ERGIC2: variants seen among roughly 807,000 people sequenced by gnomAD.
The protein encoded by ERGIC2 is ERGIC and golgi 2.
Under a neutral mutation model 52.5 loss-of-function variants are expected in ERGIC2, and 31 were observed. That is an observed-to-expected ratio of 0.59 (90% CI 0.44 to 0.80). The LOEUF (loss-of-function observed/expected upper bound fraction) is 0.80, where lower values mean the gene tolerates loss of function less well. Among genes scored for constraint, ERGIC2 ranks in the 30% least tolerant of loss-of-function variants. The pLI, the probability that ERGIC2 is intolerant of heterozygous loss-of-function variation, is 0.00. For missense variants in ERGIC2, 395 were observed against 455.2 expected (o/e 0.87, Z 1.20); for synonymous variants, 129 against 140.6 (o/e 0.92, Z 0.58).
chr12:29,356,332 C>A, intron 8 of ERGIC2, 50 bp downstream of exon 8: 1 of 1,159,732 alleles, frequency 8.6e-7, no homozygotes, highest in Non-Finnish European at 1.3e-6. Flanking sequence ...TTACTTTTAA[C>A]CAAGCTCCAA....
At chr12:29,366,968 G>A in intron 4 of ERGIC2, 21 bp from the exon 5 acceptor site, 1 of 1,511,918 alleles carries the variant, frequency 6.6e-7, no homozygotes, top group South Asian at 1.2e-5. Context: ...AAAAGAATTA[G>A]AAGTTTTACA....
In ERGIC2 at chr12:29,343,305, G is replaced by C. The variant is rs1285920967; in HGVS notation, c.826-23C>G. 4.5e-6 allele frequency: 7 copies of C among 1,551,376 alleles called. 1 individual carries two copies. The highest frequency in any genetic ancestry group is 3.5e-4 in the Middle Eastern group (2 of 5,796). On this transcript the variant is annotated intron_variant, in intron 11 of 13. Transcript: ENST00000360150. ...TTCCTAAAAGGGAGGCAAAAGGAAG[G>C]GGAGAAATAGGAGGAAGAGAGAAAC...
chr12:29,355,549 T>C (rs776519495), intron 8 of ERGIC2, among the ~76,000 whole-genome samples: 1 of 152,152 alleles, frequency 6.6e-6, no homozygotes, highest in Non-Finnish European at 1.5e-5. Flanking sequence ...TTCAAAAATT[T>C]CACAAGTGTT....
intron 8 of ERGIC2, among the ~76,000 whole-genome samples, chr12:29,352,776 C>T (rs1940150335): frequency 6.6e-6 from 1 of 152,170 alleles, no homozygotes; most frequent in Non-Finnish European, 1.5e-5. Flanking sequence ...AGTTTGCCTA[C>T]CACTGCAGTA....
chr12:29,376,310 C>T (rs1423802908), intron 1 of ERGIC2, among the ~76,000 whole-genome samples: 1 of 152,150 alleles, frequency 6.6e-6, no homozygotes, highest in Admixed American at 6.6e-5. Context: ...CACTGATTCT[C>T]ACTTCCGTAC....
chr12:29,351,983 A>G (rs1036471953), intron 8 of ERGIC2, among the ~76,000 whole-genome samples: 1 of 152,226 alleles, frequency 6.6e-6, no homozygotes, highest in African/African-American at 2.4e-5. Context: ...GATGTTCTGC[A>G]GCCAAATTTG....
chr12:29,347,673 T>C (rs769416441), intron 10 of ERGIC2, among the ~76,000 whole-genome samples: 53 of 152,206 alleles, frequency 3.5e-4, no homozygotes, highest in Non-Finnish European at 6.6e-4. Flanking sequence ...CCTGCAATAC[T>C]TCTGGAGAAC....
intron 10 of ERGIC2, among the ~76,000 whole-genome samples, chr12:29,345,770 AC>A (rs1267154470): frequency 2.6e-5 from 4 of 151,874 alleles, no homozygotes; most frequent in Non-Finnish European, 5.9e-5. Context: ...AGAGAGCCAG[AC>A]CCTGTCTCTA....
intron 5 of ERGIC2, among the ~76,000 whole-genome samples, chr12:29,362,902 T>C (rs770992865): frequency 1.3e-5 from 2 of 152,218 alleles, no homozygotes; most frequent in Non-Finnish European, 2.9e-5. Context: ...TGTTGGCAGT[T>C]ACTCTCCAGC....
At chr12:29,341,460 T>C (rs571730899) in intron 13 of ERGIC2, among the ~76,000 whole-genome samples, 1 of 152,000 alleles carries the variant, frequency 6.6e-6, no homozygotes, top group East Asian at 1.9e-4. Flanking sequence ...AACCTCAACT[T>C]CCTGGGCTCA....
chr12:29,348,179 A>G (rs1940084025), intron 10 of ERGIC2, among the ~76,000 whole-genome samples: 1 of 152,192 alleles, frequency 6.6e-6, no homozygotes, highest in Admixed American at 6.5e-5. Flanking sequence ...CCACATGAAC[A>G]TAAAATATTC....
intron 11 of ERGIC2, 40 bp downstream of exon 11, chr12:29,345,403 A>G (rs1168741526): frequency 1.7e-6 from 2 of 1,193,828 alleles, no homozygotes; most frequent in Non-Finnish European, 2.4e-6. Context: ...GCTTTTTTAA[A>G]AAAATCACCA....
In ERGIC2 at chr12:29,339,024, A is replaced by T. The variant is rs1056371517; in HGVS notation, c.*2132T>A. 1 of 152,154 alleles carries T rather than the reference A, an allele frequency of 6.6e-6. No individual in the cohort carries two copies. Among genetic ancestry groups the T allele is most frequent in the Non-Finnish European group, 1.5e-5 (1 of 68,016 alleles). 9.4% of individuals were successfully genotyped at this position (152,154 alleles called of 1,614,324 possible). A position where few individuals can be genotyped will look rare whatever the true frequency, so the allele number is the denominator to read the frequency against. ...TGGTGAGGCCAAAAACTCCTAACAA[A>T]TCCTAATATGCAGGTAAACTTCATC... On this transcript the variant is annotated 3_prime_UTR_variant, in exon 14 of 14. Transcript: ENST00000360150.
Position 29,372,077 on chromosome 12 carries a change from C to T in ERGIC2, c.-37-407G>A, listed in dbSNP as rs1052440766. On this transcript the variant is annotated intron_variant, in intron 1 of 13. Coordinates refer to ENST00000360150, the MANE Select transcript of ERGIC2 (RefSeq NM_016570.3). Reference sequence around the variant, plus strand: ...AATATAGGCCAGGCACGGTCGCTCACGCCTGTAATCCCAGTACTTTGGGAG... The same window carrying T: ...AATATAGGCCAGGCACGGTCGCTCATGCCTGTAATCCCAGTACTTTGGGAG... Among the ~76,000 whole-genome samples the T allele has an allele frequency of 1.2e-4, 18 of 152,246 alleles. No homozygotes were observed. In the East Asian group the frequency reaches 1.3e-3, roughly 11 times the overall value.
intron 12 of ERGIC2, 23 bp from the exon 13 acceptor site, chr12:29,341,839 G>A: frequency 8.9e-7 from 1 of 1,127,508 alleles, no homozygotes; most frequent in Non-Finnish European, 1.3e-6. Context: ...ATAAGTTTAT[G>A]CTTTTAATTA....
intron 3 of ERGIC2, among the ~76,000 whole-genome samples, chr12:29,368,605 T>A (rs1440019243): frequency 6.6e-6 from 1 of 151,956 alleles, no homozygotes; most frequent in African/African-American, 2.4e-5. Context: ...AAACTTTTGA[T>A]AGAATGTTCT....
At chr12:29,375,450 T>C (rs2136883213) in intron 1 of ERGIC2, among the ~76,000 whole-genome samples, 1 of 152,214 alleles carries the variant, frequency 6.6e-6, no homozygotes, top group African/African-American at 2.4e-5. Flanking sequence ...CATACTTAGG[T>C]AAGTAAATAT....
At chr12:29,375,484 G>C (rs1465125695) in intron 1 of ERGIC2, among the ~76,000 whole-genome samples, 1 of 152,120 alleles carries the variant, frequency 6.6e-6, no homozygotes, top group Non-Finnish European at 1.5e-5. Flanking sequence ...CCACAAGAAG[G>C]ATTTTCCTGT....
chr12:29,341,544 C>T (rs1000649452), intron 13 of ERGIC2, among the ~76,000 whole-genome samples, 190 bp downstream of exon 13: 1 of 151,890 alleles, frequency 6.6e-6, no homozygotes, highest in Non-Finnish European at 1.5e-5. Flanking sequence ...CTAATTTTTT[C>T]TATCTTTTGT....
Sources: gnomAD v4.1 joint callset for allele counts (sites outside exome capture counted in the v4.1 genomes callset) on GRCh38, gnomAD v4.1.1 for gene constraint, MANE v1.5 for transcripts, NCBI Gene and HGNC (gene_info 2026-07-23, HGNC 2026-07-21) for gene names.